Variants in EIPR1 observed in about 807,000 individuals in gnomAD.
EIPR1 encodes EARP and GARP complex-interacting protein 1.
In EIPR1, 25 loss-of-function variants were observed where a neutral mutation model predicts 48.1. The observed-to-expected ratio is 0.52, with a 90% CI of 0.38 to 0.73. The LOEUF (loss-of-function observed/expected upper bound fraction) is 0.73. EIPR1 is among the 30% of genes least tolerant of loss of function. The pLI is 0.00. For missense variants in EIPR1, 415 were observed against 506.2 expected (o/e 0.82, Z 1.73); for synonymous variants, 204 against 201.9 (o/e 1.01, Z -0.09).
At chr2:3,255,572 G>A (rs1188556791) in intron 4 of EIPR1, among the ~76,000 whole-genome samples, 1 of 152,196 alleles carries the variant, frequency 6.6e-6, no homozygotes, top group Non-Finnish European at 1.5e-5. Flanking sequence ...ACACCCATGT[G>A]GCCTGTCTTT....
At chr2:3,369,625 G>A (rs1368402065) in intron 1 of EIPR1, among the ~76,000 whole-genome samples, 3 of 152,188 alleles carry the variant, frequency 2.0e-5, no homozygotes, top group Non-Finnish European at 2.9e-5. Context: ...ACGGAGTCTC[G>A]CTGATTGCTA....
intron 3 of EIPR1, among the ~76,000 whole-genome samples, chr2:3,278,609 G>C (rs1211447938): frequency 6.6e-6 from 1 of 152,162 alleles, no homozygotes; most frequent in East Asian, 1.9e-4. Context: ...GCCTGGCCTG[G>C]CCTGCTCTAC....
chr2:3,307,313 C>G (rs1668977355), intron 3 of EIPR1, among the ~76,000 whole-genome samples: 1 of 152,204 alleles, frequency 6.6e-6, no homozygotes. Flanking sequence ...AGCCCTCACC[C>G]AGCAGCTCCT....
intron 7 of EIPR1, among the ~76,000 whole-genome samples, chr2:3,193,595 T>C (rs1357787260): frequency 1.3e-5 from 2 of 152,238 alleles, no homozygotes; most frequent in African/African-American, 4.8e-5. Context: ...CACAGCCACA[T>C]AGAGATGCTC....
intron 4 of EIPR1, among the ~76,000 whole-genome samples, chr2:3,215,990 T>C (rs34032787): frequency 0.35 from 52,836 of 152,018 alleles, 10,024 homozygotes; most frequent in Non-Finnish European, 0.44. Flanking sequence ...GCTAGGATGC[T>C]GAAAAACCTG....
intron 2 of EIPR1, among the ~76,000 whole-genome samples, chr2:3,351,695 G>A (rs141466772): frequency 1.3e-5 from 2 of 152,162 alleles, no homozygotes; most frequent in Admixed American, 1.3e-4. Context: ...TTTTCCAGTA[G>A]AAAAGTAACA....
chr2:3,310,967 C>G lies in EIPR1; in HGVS notation c.259+27050G>C, dbSNP rs1023442376. On this transcript the variant is annotated intron_variant, in intron 3 of 8. Coordinates refer to ENST00000382125, the MANE Select transcript of EIPR1 (RefSeq NM_003310.5). ...AATAAATTTTTCTTGAAACTTGATT[C>G]TGAAATTTTACGTACAAGACCCCGA... Among the ~76,000 whole-genome samples the G allele has an allele frequency of 2.0e-5, 3 of 152,072 alleles. No individual in the cohort carries two copies. The South Asian group carries it at 6.2e-4, about 32-fold the overall frequency.
chr2:3,293,443 A>C (rs1020207382), intron 3 of EIPR1, among the ~76,000 whole-genome samples: 15 of 152,192 alleles, frequency 9.9e-5, no homozygotes, highest in African/African-American at 3.6e-4. Flanking sequence ...TCTCATGGCA[A>C]AGCTGCATGC....
chr2:3,230,414 T>C (rs1316092486), intron 4 of EIPR1, among the ~76,000 whole-genome samples: 1 of 152,220 alleles, frequency 6.6e-6, no homozygotes, highest in Non-Finnish European at 1.5e-5. Flanking sequence ...GGGAGGATTC[T>C]TTTCCCATCG....
intron 3 of EIPR1, among the ~76,000 whole-genome samples, chr2:3,311,010 A>T (rs1239293053): frequency 6.6e-6 from 1 of 152,200 alleles, no homozygotes; most frequent in East Asian, 1.9e-4. Context: ...AATGTCTCTG[A>T]ACTTCCTATT....
At chr2:3,211,159 T>C (rs932618039) in intron 5 of EIPR1, among the ~76,000 whole-genome samples, 5 of 152,090 alleles carry the variant, frequency 3.3e-5, no homozygotes, top group African/African-American at 1.2e-4. Flanking sequence ...TTTAATAAAA[T>C]ATCAGAAATA....
chr2:3,337,869 A>C, intron 3 of EIPR1, 148 bp downstream of exon 3: 1 of 802,842 alleles, frequency 1.2e-6, no homozygotes, highest in South Asian at 2.0e-5. Flanking sequence ...TCTACTCACA[A>C]TATCATGGCT....
At chr2:3,193,641 C>T (rs368329238) in intron 7 of EIPR1, among the ~76,000 whole-genome samples, 10 of 152,198 alleles carry the variant, frequency 6.6e-5, no homozygotes, top group South Asian at 2.1e-4. Flanking sequence ...CTCCACTGCA[C>T]GGATGTCACC....
At chr2:3,256,963 T>C (rs1009247933) in intron 4 of EIPR1, among the ~76,000 whole-genome samples, 16 of 152,130 alleles carry the variant, frequency 1.1e-4, no homozygotes, top group African/African-American at 3.1e-4. Flanking sequence ...CATGTGAGTG[T>C]GAATAAGTGC....
At chr2:3,274,554 C>A in intron 3 of EIPR1, 1 of 1,247,260 alleles carries the variant, frequency 8.0e-7, no homozygotes, top group Non-Finnish European at 1.0e-6. Flanking sequence ...AATTTACCTC[C>A]AAAAGCCTCA....
At chr2:3,248,325 G>T (rs1264657838) in intron 4 of EIPR1, among the ~76,000 whole-genome samples, 1 of 152,206 alleles carries the variant, frequency 6.6e-6, no homozygotes, top group Non-Finnish European at 1.5e-5. Context: ...TGGGTGCGGT[G>T]GCACACGCCT....
chr2:3,227,757 T>A (rs1666111203), intron 4 of EIPR1, among the ~76,000 whole-genome samples: 1 of 152,212 alleles, frequency 6.6e-6, no homozygotes, highest in Non-Finnish European at 1.5e-5. Flanking sequence ...CCTTGGGACA[T>A]GCTGCCCTGC....
Position 3,245,594 on chromosome 2 carries a change from C to T in EIPR1, c.416+11705G>A, listed in dbSNP as rs375859427. Reference sequence around the variant, plus strand: ...TTCTCCTGTAATAACACAAGTTGTTCTTTTCCTGCACAAACTAAGGGATGT... The same window carrying T: ...TTCTCCTGTAATAACACAAGTTGTTTTTTTCCTGCACAAACTAAGGGATGT... On this transcript the variant is annotated intron_variant, in intron 4 of 8. Coordinates refer to ENST00000382125, the MANE Select transcript of EIPR1 (RefSeq NM_003310.5). 7.9e-5 allele frequency among the ~76,000 whole-genome samples: 12 copies of T among 152,348 alleles called. No homozygotes were observed. The South Asian group carries it at 2.5e-3, about 32-fold the overall frequency.
intron 4 of EIPR1, among the ~76,000 whole-genome samples, chr2:3,225,421 T>C (rs570319492): frequency 6.6e-6 from 1 of 152,116 alleles, no homozygotes; most frequent in Admixed American, 6.5e-5. Flanking sequence ...AATTTTTAAA[T>C]TTTTTGTAAA....
Sources: gnomAD v4.1 joint callset for allele counts (sites outside exome capture counted in the v4.1 genomes callset) on GRCh38, gnomAD v4.1.1 for gene constraint, MANE v1.5 for transcripts, NCBI Gene and HGNC (gene_info 2026-07-23, HGNC 2026-07-21) for gene names.